CAMK4: variants seen among roughly 807,000 people sequenced by gnomAD.
The protein encoded by CAMK4 is calcium/calmodulin dependent protein kinase IV.
In CAMK4, 22 loss-of-function variants were observed where a neutral mutation model predicts 44.9. The ratio of observed to expected loss-of-function variants is 0.49; its 90% CI spans 0.35 to 0.70. CAMK4 has a LOEUF of 0.70. Ranked by LOEUF, CAMK4 falls within the 30% of genes least tolerant of loss-of-function variation. The probability of loss-of-function intolerance (pLI) is 0.01; values close to 1 mark genes in which losing one functional copy is unlikely to be tolerated. For missense variants in CAMK4, 498 were observed against 586.8 expected, an observed-to-expected ratio of 0.85 and a Z score of 1.56; for synonymous variants, 218 against 215.4, an observed-to-expected ratio of 1.01 and a Z score of -0.11.
chr5:111,388,447 C>T (rs921520089), intron 4 of CAMK4, among the ~76,000 whole-genome samples: 3 of 152,112 alleles, frequency 2.0e-5, no homozygotes, highest in African/African-American at 7.2e-5. Context: ...GGATGAATAT[C>T]ACCACTTTCT....
At chr5:111,279,655 T>C (rs575834859) in intron 1 of CAMK4, among the ~76,000 whole-genome samples, 30 of 151,498 alleles carry the variant, frequency 2.0e-4, no homozygotes, top group Admixed American at 3.9e-4. Flanking sequence ...AATCATTTTA[T>C]TTTTTATGCC....
chr5:111,435,045 A>G (rs1223755570), intron 5 of CAMK4, among the ~76,000 whole-genome samples: 2 of 152,324 alleles, frequency 1.3e-5, no homozygotes, highest in East Asian at 3.9e-4. Context: ...TTTTTGTTAG[A>G]CCGTAGAGAG....
Position 111,367,199 on chromosome 5 carries a change from AG to A in CAMK4, c.241-7646del, listed in dbSNP as rs200424184. Among the ~76,000 whole-genome samples, 920 of 150,686 alleles carry A rather than the reference AG, an allele frequency of 6.1e-3. 4 individuals are homozygous for A. Among genetic ancestry groups the A allele is most frequent in the African/African-American group, 0.021 (856 of 40,930 alleles). Reference sequence around the variant, plus strand: ...AATGTATTTGACTCATAGTTCTGGAAGGGGGTCATCCCATGGCAGATGGGCA... The same window carrying A: ...AATGTATTTGACTCATAGTTCTGGAAGGGGTCATCCCATGGCAGATGGGCA... On this transcript the variant is annotated intron_variant, in intron 2 of 10. Transcript: ENST00000282356.
chr5:111,445,651 C>T (rs994175827), intron 5 of CAMK4, among the ~76,000 whole-genome samples: 2 of 152,162 alleles, frequency 1.3e-5, no homozygotes, highest in Non-Finnish European at 2.9e-5. Flanking sequence ...TGGTCTCGAA[C>T]TCCTGGACTC....
chr5:111,347,794 A>G (rs937464223), intron 2 of CAMK4, among the ~76,000 whole-genome samples: 2 of 152,068 alleles, frequency 1.3e-5, no homozygotes, highest in African/African-American at 4.8e-5. Flanking sequence ...AAATAAGGTC[A>G]CATTCTAAGG....
At chr5:111,362,417 A>G (rs1163737815) in intron 2 of CAMK4, among the ~76,000 whole-genome samples, 1 of 149,480 alleles carries the variant, frequency 6.7e-6, no homozygotes, top group Non-Finnish European at 1.5e-5. Context: ...AGATATTCAT[A>G]AAATTTTTAT....
intron 1 of CAMK4, among the ~76,000 whole-genome samples, chr5:111,330,953 C>G (rs985606000): frequency 6.6e-6 from 1 of 151,222 alleles, no homozygotes; most frequent in East Asian, 2.0e-4. Flanking sequence ...TGCCTTATAC[C>G]ACAAACAAAA....
chr5:111,295,453 A>G (rs185649491), intron 1 of CAMK4, among the ~76,000 whole-genome samples: 1 of 152,294 alleles, frequency 6.6e-6, no homozygotes, highest in East Asian at 1.9e-4. Flanking sequence ...CAGCCCTAAA[A>G]TGATTCCTAA....
intron 1 of CAMK4, among the ~76,000 whole-genome samples, chr5:111,273,242 T>C (rs1357694923): frequency 6.6e-6 from 1 of 152,154 alleles, no homozygotes; most frequent in East Asian, 1.9e-4. Context: ...GATACAGTAT[T>C]TATATATTTA....
intron 5 of CAMK4, among the ~76,000 whole-genome samples, chr5:111,406,513 C>T (rs770260329): frequency 1.4e-5 from 2 of 139,326 alleles, no homozygotes; most frequent in Admixed American, 7.3e-5. Flanking sequence ...TGTGAGCCTC[C>T]GTACCTGGCC....
At chr5:111,299,823 G>GT (rs1481040526) in intron 1 of CAMK4, among the ~76,000 whole-genome samples, 12 of 151,666 alleles carry the variant, frequency 7.9e-5, no homozygotes, top group East Asian at 2.0e-4. Context: ...CCATTTCTGT[G>GT]TTTTTTTTAA....
At chr5:111,318,612 C>T (rs977361250) in intron 1 of CAMK4, among the ~76,000 whole-genome samples, 1 of 152,126 alleles carries the variant, frequency 6.6e-6, no homozygotes, top group South Asian at 2.1e-4. Context: ...ACAACACTGT[C>T]CAGAAAAGCA....
At chr5:111,422,297 C>T (rs1753061828) in intron 5 of CAMK4, among the ~76,000 whole-genome samples, 4 of 152,204 alleles carry the variant, frequency 2.6e-5, no homozygotes, top group South Asian at 4.1e-4. Context: ...AGTTCAGTAA[C>T]GAGCAGGTGC....
chr5:111,488,414 T>C lies in CAMK4; in HGVS notation c.*3948T>C, dbSNP rs1054790481. 2 of 152,240 alleles carry C rather than the reference T, an allele frequency of 1.3e-5. No homozygotes were observed. Among genetic ancestry groups the C allele is most frequent in the Non-Finnish European group, 2.9e-5 (2 of 68,044 alleles). 9.4% of individuals were successfully genotyped at this position (152,240 alleles called of 1,614,324 possible). A position where few individuals can be genotyped will look rare whatever the true frequency, so the allele number is the denominator to read the frequency against. On this transcript the variant is annotated 3_prime_UTR_variant, in exon 11 of 11. Transcript: ENST00000282356. Reference sequence around the variant, plus strand: ...GATTTTAGAATAATCCTCAAGGTTCTATAGTCATTTTTAGTGGAAGACTTA... The same window carrying C: ...GATTTTAGAATAATCCTCAAGGTTCCATAGTCATTTTTAGTGGAAGACTTA...
chr5:111,354,445 C>CA lies in CAMK4; in HGVS notation c.240+10356dup, dbSNP rs58501236. ...GAGTAAATGTTAAATATTCTCACCACAAAAAAAAAAAAACTACGTGAGGTG... is the reference window on the plus strand; with the variant it reads ...GAGTAAATGTTAAATATTCTCACCACAAAAAAAAAAAAAACTACGTGAGGTG... On this transcript the variant is annotated intron_variant, in intron 2 of 10. Coordinates refer to ENST00000282356, the MANE Select transcript of CAMK4 (RefSeq NM_001744.6). Among the ~76,000 whole-genome samples, 897 of 125,162 alleles carry CA rather than the reference C, an allele frequency of 7.2e-3. 9 individuals are homozygous for CA. Among genetic ancestry groups the CA allele is most frequent in the African/African-American group, 0.019 (731 of 38,258 alleles). The allele number at this position is 125,162 out of a possible 152,430, so 82.1% of individuals were successfully genotyped here.
At chr5:111,359,094 G>A (rs983403147) in intron 2 of CAMK4, among the ~76,000 whole-genome samples, 10 of 152,136 alleles carry the variant, frequency 6.6e-5, no homozygotes, top group African/African-American at 1.9e-4. Flanking sequence ...CATATACCCA[G>A]TAATGGGATT....
At chr5:111,366,747 A>G (rs1412361954) in intron 2 of CAMK4, among the ~76,000 whole-genome samples, 1 of 151,918 alleles carries the variant, frequency 6.6e-6, no homozygotes, top group Non-Finnish European at 1.5e-5. Flanking sequence ...TTTCTCCCCT[A>G]CCATGGGGAC....
In CAMK4 at chr5:111,478,367, T is replaced by C. The variant is rs1414092264; in HGVS notation, c.702-14T>C. ...TTTTAAAGACATTTTATTCTCTATA[T>C]TTTATTCCTCTAGACTTTGTGGATT... On this transcript the variant is annotated splice_polypyrimidine_tract_variant and intron_variant, in intron 8 of 10. Coordinates refer to ENST00000282356, the MANE Select transcript of CAMK4 (RefSeq NM_001744.6). The C allele has an allele frequency of 2.0e-6, 3 of 1,493,944 alleles. No homozygotes were observed. The highest frequency in any genetic ancestry group is 1.8e-6 in the Non-Finnish European group (2 of 1,094,216). The allele number at this position is 1,493,944 out of a possible 1,614,324, so 92.5% of individuals were successfully genotyped here.
rs149076829 is a variant in CAMK4 at position 111,366,468 on chromosome 5, A to G, written c.241-8382A>G. Among the ~76,000 whole-genome samples the G allele has an allele frequency of 6.8e-3, 1,039 of 152,180 alleles. 7 individuals carry two copies. The highest frequency in any genetic ancestry group is 9.2e-3 in the Non-Finnish European group (625 of 67,980). On this transcript the variant is annotated intron_variant, in intron 2 of 10. Transcript: ENST00000282356. The stretch of plus-strand genomic sequence containing the variant: ...GTTCAAATCTAACAGAAGTCTGGTT[A>G]TTGTCCTCTCTATTCTCCAGTTTAT...
Sources: gnomAD v4.1 joint callset for allele counts (sites outside exome capture counted in the v4.1 genomes callset) on GRCh38, gnomAD v4.1.1 for gene constraint, MANE v1.5 for transcripts, NCBI Gene and HGNC (gene_info 2026-07-23, HGNC 2026-07-21) for gene names.